TFPT: variants seen among roughly 807,000 people sequenced by gnomAD.
The protein encoded by TFPT is TCF3 fusion partner, also known as INO80 complex subunit F.
Under a neutral mutation model 28.8 loss-of-function variants are expected in TFPT, and 27 were observed. The ratio of observed to expected loss-of-function variants is 0.94; its 90% CI spans 0.69 to 1.29. The LOEUF is 1.29. TFPT is among the 50% of genes most tolerant of loss of function. The probability of loss-of-function intolerance (pLI) is 0.00; values close to 1 mark genes in which losing one functional copy is unlikely to be tolerated. For missense variants in TFPT, 330 were observed against 338.0 expected (o/e 0.98, Z 0.19); for synonymous variants, 152 against 142.8 (o/e 1.06, Z -0.46).
chr19:54,115,156 G>A, intron 1 of TFPT, 91 bp downstream of exon 1: 1 of 1,584,632 alleles, frequency 6.3e-7, no homozygotes, highest in East Asian at 2.2e-5. Context: ...ACCCCCATCA[G>A]ACCTCAGCGT....
In TFPT at chr19:54,108,357, T is replaced by G; in HGVS notation, c.392A>C (p.Tyr131Ser). ...MRVLDSYGDD[Y>S]RASQFTIVLE... ...CACAATGGTGAACTGGCTGGCCCGG[T>G]AGTCATCCCCGTAGGAGTCCAGCAC... The change falls in exon 4 of 6, where the codon TAC (tyrosine) becomes TCC (serine). Residue 131 changes from tyrosine to serine, a missense_variant. Transcript: ENST00000391759. 1.2e-6 allele frequency: 2 copies of G among 1,610,708 alleles called. No homozygotes were observed. Among genetic ancestry groups the G allele is most frequent in the Admixed American group, 1.7e-5 (1 of 59,518 alleles).
rs576494595 is a variant in TFPT at position 54,107,070 on chromosome 19, C to T, written c.742G>A (p.Ala248Thr). Residue 248 changes from alanine (A) to threonine (T), a missense_variant, in exon 6 of 6, where the codon GCC becomes ACC. Ala to Thr is a moderately conservative substitution (Grantham distance 58). Coordinates refer to ENST00000391759, the MANE Select transcript of TFPT (RefSeq NM_013342.4). The stretch of plus-strand genomic sequence containing the variant: ...ATGCGTCAGTCAGAGGCTGGGCTGG[C>T]CAGGGTCGGGTAGGGCAGCAGTTTG... ...PDKLLPYPTLASPASD is the reference protein window; with the variant it reads ...PDKLLPYPTLTSPASD 3.1e-6 allele frequency: 5 copies of T among 1,613,794 alleles called. No individual in the cohort carries two copies. In the Admixed American group the frequency reaches 8.3e-5, roughly 27 times the overall value.
In TFPT at chr19:54,108,007, G is replaced by T. The variant is rs778082518; in HGVS notation, c.642+19C>A. The T allele has an allele frequency of 1.3e-6, 2 of 1,513,444 alleles. No individual in the cohort carries two copies. Among genetic ancestry groups the T allele is most frequent in the South Asian group, 1.3e-5 (1 of 74,462 alleles). The allele number at this position is 1,513,444 out of a possible 1,614,324, so 93.8% of individuals were successfully genotyped here. On this transcript the variant is annotated intron_variant, in intron 5 of 5. Transcript: ENST00000391759. The stretch of plus-strand genomic sequence containing the variant: ...CTCTGGAGCCCCAGTCCCTCCCCTT[G>T]AGTTCCCGCCTTCCTCACCTGCACC...
intron 3 of TFPT, 95 bp from the exon 4 acceptor site, chr19:54,108,490 C>T (rs769022194): frequency 1.1e-5 from 17 of 1,613,576 alleles, no homozygotes; most frequent in Non-Finnish European, 1.4e-5. Context: ...CTCCACTCAA[C>T]GCCAAAGCTG....
At position 54,115,603 on chromosome 19, in the gene TFPT, G is replaced by A; in HGVS notation, c.-334C>T. 2 of 459,910 alleles carry A rather than the reference G, an allele frequency of 4.3e-6. No individual in the cohort carries two copies. Among genetic ancestry groups the A allele is most frequent in the Non-Finnish European group, 7.8e-6 (2 of 256,964 alleles). The allele number at this position is 459,910 out of a possible 1,614,324, so 28.5% of individuals were successfully genotyped here. A position where few individuals can be genotyped will look rare whatever the true frequency, so the allele number is the denominator to read the frequency against. ...AGGATCGGTCCACAGCGGGACGTGAGTCCCTTTCCTCCTCGCGGCTTACCG... is the reference window on the plus strand; with the variant it reads ...AGGATCGGTCCACAGCGGGACGTGAATCCCTTTCCTCCTCGCGGCTTACCG... On this transcript the variant is annotated 5_prime_UTR_variant, in exon 1 of 6. Coordinates refer to ENST00000391759, the MANE Select transcript of TFPT (RefSeq NM_013342.4).
intron 2 of TFPT, among the ~76,000 whole-genome samples, chr19:54,113,397 C>G (rs111711567): frequency 1.0e-3 from 154 of 152,206 alleles, no homozygotes; most frequent in East Asian, 5.0e-3. Flanking sequence ...AGGGGAGAGG[C>G]CTGGAAGATT....
Position 54,114,649 on chromosome 19 carries a change from C to CT in TFPT, c.74dup (p.Leu26ValfsTer37). On this transcript the variant is annotated frameshift_variant, in exon 2 of 6. Coordinates refer to ENST00000391759, the MANE Select transcript of TFPT (RefSeq NM_013342.4). LOFTEE classifies it high-confidence loss of function. ...CACCAAATAGGGGAGGCAACGCCAA[C>CT]TCTGAGCCTGGCGGCGCTGAGAACT... 1 of 1,614,050 alleles carries CT rather than the reference C, an allele frequency of 6.2e-7. No homozygotes were observed. Among genetic ancestry groups the CT allele is most frequent in the Non-Finnish European group, 8.5e-7 (1 of 1,180,028 alleles).
chr19:54,112,253 CAAAAA>C (rs55825377), intron 2 of TFPT, among the ~76,000 whole-genome samples: 2 of 143,704 alleles, frequency 1.4e-5, no homozygotes, highest in African/African-American at 2.6e-5. Context: ...GACCCTGTCT[CAAAAA>C]AAAAAAAAAA....
At chr19:54,111,389 A>G (rs1330468623) in intron 2 of TFPT, among the ~76,000 whole-genome samples, 1 of 151,920 alleles carries the variant, frequency 6.6e-6, no homozygotes, top group Admixed American at 6.6e-5. Flanking sequence ...CTAAAGATAC[A>G]AAAATTGGCC....
chr19:54,108,428 CTT>C, intron 3 of TFPT, 33 bp from the exon 4 acceptor site: 4 of 1,614,096 alleles, frequency 2.5e-6, no homozygotes, highest in Non-Finnish European at 3.4e-6. Flanking sequence ...AACGGAATAA[CTT>C]ATCTCCTAGC....
chr19:54,109,712 C>CAA (rs59659074), intron 3 of TFPT, among the ~76,000 whole-genome samples: 1 of 143,900 alleles, frequency 6.9e-6, no homozygotes, highest in South Asian at 2.2e-4. Flanking sequence ...AGTCACACAG[C>CAA]AAAAAAAAAA....
intron 5 of TFPT, chr19:54,107,694 T>G: frequency 2.7e-6 from 1 of 364,454 alleles, no homozygotes; most frequent in Non-Finnish European, 4.9e-6. Context: ...TGATCCTTCC[T>G]TCTCCTCTAC....
rs189789076 is a variant in TFPT at position 54,113,075 on chromosome 19, A to C, written c.282+1367T>G. 1.5e-3 allele frequency among the ~76,000 whole-genome samples: 213 copies of C among 141,166 alleles called. 1 individual carries two copies. The highest frequency in any genetic ancestry group is 4.5e-3 in the Admixed American group (61 of 13,454). The allele number at this position is 141,166 out of a possible 152,430, so 92.6% of individuals were successfully genotyped here. A position where few individuals can be genotyped will look rare whatever the true frequency, so the allele number is the denominator to read the frequency against. The stretch of plus-strand genomic sequence containing the variant: ...GCCATTGCACTCCAGCCTGGGAGAC[A>C]AGAGCGAGACTCCACCTCAAAAAAA... On this transcript the variant is annotated intron_variant, in intron 2 of 5. Coordinates refer to ENST00000391759, the MANE Select transcript of TFPT (RefSeq NM_013342.4).
chr19:54,108,492 C>T (rs1358003510), intron 3 of TFPT, 97 bp from the exon 4 acceptor site: 1 of 1,613,546 alleles, frequency 6.2e-7, no homozygotes. Context: ...CCACTCAACG[C>T]CAAAGCTGTC....
chr19:54,111,136 C>A (rs1345595891), intron 2 of TFPT, among the ~76,000 whole-genome samples: 4 of 152,194 alleles, frequency 2.6e-5, no homozygotes, highest in East Asian at 1.9e-4. Flanking sequence ...AGGGGACAGC[C>A]CTGCACGCAG....
chr19:54,114,508 C>G lies in TFPT; in HGVS notation c.216G>C (p.Arg72=). The change falls in exon 2 of 6, where the codon CGG becomes CGC. Residue 72 remains arginine, a synonymous_variant. Transcript: ENST00000391759. ...EEEEAARGRR[R]RQRELNRRKY... ...TTCTGCGATTTAATTCCCGCTGGCG[C>G]CGCCGCCGACCCCGGGCTGCCTCTT... 6.2e-7 allele frequency: 1 copy of G among 1,613,892 alleles called. No individual in the cohort carries two copies. The highest frequency in any genetic ancestry group is 8.5e-7 in the Non-Finnish European group (1 of 1,179,994).
At chr19:54,115,219 A>G in intron 1 of TFPT, 28 bp downstream of exon 1, 1 of 1,614,086 alleles carries the variant, frequency 6.2e-7, no homozygotes, top group Non-Finnish European at 8.5e-7. Context: ...TGGGATTCGC[A>G]CTTTTTCACA....
Position 54,114,538 on chromosome 19 carries a change from T to C in TFPT, c.186A>G (p.Glu62=). 3.7e-6 allele frequency: 6 copies of C among 1,614,024 alleles called. No homozygotes were observed. Among genetic ancestry groups the C allele is most frequent in the Non-Finnish European group, 5.1e-6 (6 of 1,179,998 alleles). ...GCCGACCCCGGGCTGCCTCTTCCTC[T>C]TCATCTCGCTCCCGGAGCCCTGAGC... ...LGGSGLRERD[E]EEEAARGRRR... The change falls in exon 2 of 6, where the codon GAA becomes GAG. Residue 62 remains glutamate, a synonymous_variant. Coordinates refer to ENST00000391759, the MANE Select transcript of TFPT (RefSeq NM_013342.4).
At position 54,115,358 on chromosome 19, in the gene TFPT, A is replaced by G. The variant is rs976360769; in HGVS notation, c.-89T>C. ...CGTTCGCAAAACTACTTGTCCCATC[A>G]GGCTCAGCAGCCGAGGACGGCGGGA... On this transcript the variant is annotated 5_prime_UTR_variant, in exon 1 of 6. Coordinates refer to ENST00000391759, the MANE Select transcript of TFPT (RefSeq NM_013342.4). 32 of 1,592,676 alleles carry G rather than the reference A, an allele frequency of 2.0e-5. No homozygotes were observed. The highest frequency in any genetic ancestry group is 2.7e-5 in the Non-Finnish European group (32 of 1,164,090).
Sources: gnomAD v4.1 joint callset for allele counts (sites outside exome capture counted in the v4.1 genomes callset) on GRCh38, gnomAD v4.1.1 for gene constraint, MANE v1.5 for transcripts, NCBI Gene and HGNC (gene_info 2026-07-23, HGNC 2026-07-21) for gene names.